TAFA5: variants seen among roughly 807,000 people sequenced by gnomAD.
TAFA5 encodes the protein chemokine-like protein TAFA-5.
TAFA5 carries 6 observed loss-of-function variants against 15.3 expected under a neutral mutation model. The observed-to-expected ratio is 0.39, with a 90% CI of 0.21 to 0.77. The LOEUF is 0.77. Among genes scored for constraint, TAFA5 ranks in the 30% least tolerant of loss-of-function variants. TAFA5 has a pLI of 0.41. For missense variants in TAFA5, 161 were observed against 193.1 expected (o/e 0.83, Z 0.98); for synonymous variants, 103 against 80.7 (o/e 1.28, Z -1.48).
intron 2 of TAFA5, among the ~76,000 whole-genome samples, chr22:48,654,983 A>C (rs1927185547): frequency 6.6e-6 from 1 of 152,202 alleles, no homozygotes; most frequent in Non-Finnish European, 1.5e-5. Context: ...TGAGTCAGGC[A>C]GCGTGTGGTG....
At chr22:48,630,642 G>T (rs112237192) in intron 1 of TAFA5, among the ~76,000 whole-genome samples, 1 of 152,160 alleles carries the variant, frequency 6.6e-6, no homozygotes, top group Admixed American at 6.5e-5. Context: ...AGTGAGTGCC[G>T]CTTCCAGAAC....
At chr22:48,586,582 AGGCCACAGGCACT>A (rs1211702645) in intron 1 of TAFA5, among the ~76,000 whole-genome samples, 3 of 152,240 alleles carry the variant, frequency 2.0e-5, no homozygotes, top group African/African-American at 7.2e-5. Flanking sequence ...GGAGCAGATG[AGGCCACAGGCACT>A]GGCCACAGGA....
intron 1 of TAFA5, among the ~76,000 whole-genome samples, chr22:48,612,481 C>A (rs1293307928): frequency 1.2e-4 from 19 of 152,124 alleles, no homozygotes; most frequent in Non-Finnish European, 1.5e-5. Context: ...TTCCCTGGGG[C>A]CCTGTCCCTG....
chr22:48,743,619 G>C (rs1930243792), intron 3 of TAFA5, among the ~76,000 whole-genome samples: 1 of 152,188 alleles, frequency 6.6e-6, no homozygotes, highest in Non-Finnish European at 1.5e-5. Flanking sequence ...GGGCTGCCAG[G>C]TGCGTCCTCA....
intron 3 of TAFA5, among the ~76,000 whole-genome samples, chr22:48,729,980 C>G (rs1181102294): frequency 6.6e-6 from 1 of 152,118 alleles, no homozygotes; most frequent in African/African-American, 2.4e-5. Flanking sequence ...GCAGCCGCCT[C>G]TGGGGATCCG....
chr22:48,516,740 G>C (rs980499242), intron 1 of TAFA5, among the ~76,000 whole-genome samples: 2 of 152,174 alleles, frequency 1.3e-5, no homozygotes, highest in Non-Finnish European at 2.9e-5. Flanking sequence ...CCACCGCCAC[G>C]AAGGCAAGTG....
At chr22:48,630,342 G>A (rs1926172992) in intron 1 of TAFA5, among the ~76,000 whole-genome samples, 1 of 152,190 alleles carries the variant, frequency 6.6e-6, no homozygotes, top group African/African-American at 2.4e-5. Flanking sequence ...TGGGTGGGGT[G>A]GGGAAATTCT....
intron 1 of TAFA5, among the ~76,000 whole-genome samples, chr22:48,531,336 G>C (rs2147112885): frequency 6.6e-6 from 1 of 152,316 alleles, no homozygotes; most frequent in Admixed American, 6.5e-5. Context: ...GCAGGTGAAA[G>C]CTCTGGGGCA....
chr22:48,585,019 A>T (rs1032981960), intron 1 of TAFA5, among the ~76,000 whole-genome samples: 2 of 136,252 alleles, frequency 1.5e-5, no homozygotes, highest in South Asian at 4.9e-4. Flanking sequence ...TGCAGAATAC[A>T]CCACACACAC....
chr22:48,642,540 C>A (rs914734867), intron 1 of TAFA5, among the ~76,000 whole-genome samples: 2 of 152,182 alleles, frequency 1.3e-5, no homozygotes, highest in African/African-American at 2.4e-5. Flanking sequence ...GGAGCCGGAC[C>A]ACTGAGGACC....
chr22:48,694,877 G>A (rs1601678424), intron 2 of TAFA5, among the ~76,000 whole-genome samples: 1 of 129,820 alleles, frequency 7.7e-6, no homozygotes, highest in Admixed American at 8.2e-5. Context: ...CCACCTGCCT[G>A]TGAGCCTTCC....
intron 1 of TAFA5, among the ~76,000 whole-genome samples, chr22:48,557,493 C>T (rs959985122): frequency 2.0e-5 from 3 of 152,158 alleles, no homozygotes; most frequent in African/African-American, 7.2e-5. Context: ...GCACCTGTGC[C>T]GTTCTGTTCT....
At chr22:48,583,292 CCACACACCACA>C (rs1225234465) in intron 1 of TAFA5, among the ~76,000 whole-genome samples, 45 of 145,858 alleles carry the variant, frequency 3.1e-4, no homozygotes, top group Admixed American at 8.2e-4. Flanking sequence ...ACAAAATACA[CCACACACCACA>C]CACACACCAC....
At chr22:48,544,451 G>T in intron 1 of TAFA5, 1 of 348,964 alleles carries the variant, frequency 2.9e-6, no homozygotes, top group South Asian at 2.2e-5. Flanking sequence ...CCCTCGAGGT[G>T]ACATCTGACA....
intron 2 of TAFA5, among the ~76,000 whole-genome samples, chr22:48,683,397 C>G (rs1928256553): frequency 6.6e-6 from 1 of 152,240 alleles, no homozygotes; most frequent in Non-Finnish European, 1.5e-5. Context: ...TTTCATCAGC[C>G]TAACAGCCCA....
chr22:48,509,967 A>G (rs1244128826), intron 1 of TAFA5, among the ~76,000 whole-genome samples: 4 of 85,210 alleles, frequency 4.7e-5, no homozygotes, highest in African/African-American at 1.1e-4. Context: ...AAAAAAAAAG[A>G]AAAAGAAAAA....
intron 3 of TAFA5, 81 bp downstream of exon 3, chr22:48,707,925 C>G (rs143206096): frequency 3.3e-6 from 5 of 1,530,406 alleles, no homozygotes; most frequent in Admixed American, 3.5e-5. Flanking sequence ...CCGGGCTCCG[C>G]GGGGACAGGT....
At chr22:48,658,345 G>C (rs1189144044) in intron 2 of TAFA5, among the ~76,000 whole-genome samples, 1 of 152,218 alleles carries the variant, frequency 6.6e-6, no homozygotes, top group African/African-American at 2.4e-5. Context: ...CCCTTGTCCC[G>C]AGCCTGCAGC....
intron 1 of TAFA5, among the ~76,000 whole-genome samples, chr22:48,603,032 G>A (rs1051994401): frequency 6.6e-5 from 10 of 152,132 alleles, no homozygotes; most frequent in African/African-American, 9.7e-5. Flanking sequence ...CCACCCCACC[G>A]GTCCCCATTC....
Sources: allele counts gnomAD v4.1 joint callset (sites outside exome capture counted in the v4.1 genomes callset), GRCh38; gene constraint gnomAD v4.1.1; transcripts MANE v1.5; gene names NCBI Gene and HGNC (gene_info 2026-07-23, HGNC 2026-07-21).